TPD52: variants seen among roughly 807,000 people sequenced by gnomAD.
The protein encoded by TPD52 is prostate and colon associated protein.
A neutral mutation model predicts 31.3 loss-of-function variants in TPD52; 17 were observed. That is an observed-to-expected ratio of 0.54 (90% CI 0.37 to 0.82). TPD52 has a LOEUF of 0.82. TPD52 is among the 40% of genes least tolerant of loss of function. The pLI is 0.00. For synonymous variants in TPD52, 83 were observed against 89.6 expected, an observed-to-expected ratio of 0.93 and a Z score of 0.42; for missense variants, 212 against 240.1, an observed-to-expected ratio of 0.88 and a Z score of 0.77.
At chr8:80,090,348 T>C (rs1816162680) in intron 1 of TPD52, among the ~76,000 whole-genome samples, 1 of 152,126 alleles carries the variant, frequency 6.6e-6, no homozygotes, top group African/African-American at 2.4e-5. Flanking sequence ...TAGAGTGAGC[T>C]ACGATGGTGC....
chr8:80,140,641 C>T (rs1273349533), intron 1 of TPD52, among the ~76,000 whole-genome samples: 1 of 152,120 alleles, frequency 6.6e-6, no homozygotes, highest in East Asian at 1.9e-4. Context: ...GACTTGGATG[C>T]ACACCACACA....
At chr8:80,108,425 T>C (rs1427979511) in intron 1 of TPD52, among the ~76,000 whole-genome samples, 1 of 152,246 alleles carries the variant, frequency 6.6e-6, no homozygotes, top group Admixed American at 6.5e-5. Flanking sequence ...CAGATTTTTT[T>C]GTCAGTTGCA....
At chr8:80,101,115 G>A (rs1463668759) in intron 1 of TPD52, among the ~76,000 whole-genome samples, 1 of 152,172 alleles carries the variant, frequency 6.6e-6, no homozygotes, top group African/African-American at 2.4e-5. Context: ...AAGAAAAGAT[G>A]TATGGGAAGA....
chr8:80,033,508 G>A (rs1809746588), downstream of TPD52, among the ~76,000 whole-genome samples: 1 of 152,098 alleles, frequency 6.6e-6, no homozygotes, highest in East Asian at 1.9e-4. Context: ...CTGGCTCAGG[G>A]AATCCCAAGG....
At chr8:80,144,775 T>G (rs1341530349) in intron 1 of TPD52, among the ~76,000 whole-genome samples, 3 of 152,144 alleles carry the variant, frequency 2.0e-5, no homozygotes, top group African/African-American at 7.2e-5. Flanking sequence ...TGGCTTTTTG[T>G]GTGCATTTTT....
chr8:80,103,564 T>G (rs1806896423), intron 1 of TPD52, among the ~76,000 whole-genome samples: 1 of 152,214 alleles, frequency 6.6e-6, no homozygotes, highest in African/African-American at 2.4e-5. Context: ...CAATGGACAC[T>G]ACATGATAAT....
In TPD52 at chr8:80,036,462, T is replaced by C. The variant is rs571163502; in HGVS notation, c.*1654A>G. ...CCTTATTTAGAATATGTTAATATGATACCATTAAGCAATAATTTAAGGATG... is the reference window on the plus strand; with the variant it reads ...CCTTATTTAGAATATGTTAATATGACACCATTAAGCAATAATTTAAGGATG... On this transcript the variant is annotated 3_prime_UTR_variant, in exon 8 of 8. Coordinates refer to ENST00000518937, the MANE Select transcript of TPD52 (RefSeq NM_001025253.3). The C allele has an allele frequency of 6.5e-6, 1 of 152,704 alleles. No homozygotes were observed. Among genetic ancestry groups the C allele is most frequent in the South Asian group, 2.1e-4 (1 of 4,830 alleles). 9.5% of individuals were successfully genotyped at this position (152,704 alleles called of 1,614,324 possible).
chr8:80,094,761 T>G (rs1563621698), intron 1 of TPD52, among the ~76,000 whole-genome samples: 1 of 128,260 alleles, frequency 7.8e-6, no homozygotes. Context: ...CTACCATAAT[T>G]TAAAAAAAAA....
intron 1 of TPD52, among the ~76,000 whole-genome samples, chr8:80,103,438 C>T (rs1354008988): frequency 1.3e-5 from 2 of 152,222 alleles, no homozygotes; most frequent in Admixed American, 6.5e-5. Flanking sequence ...AGAGTGCTAG[C>T]CCCTTGTGGT....
intron 1 of TPD52, among the ~76,000 whole-genome samples, chr8:80,163,052 T>C (rs959836920): frequency 1.3e-5 from 2 of 152,182 alleles, no homozygotes; most frequent in East Asian, 1.9e-4. Context: ...AAAGCTATTA[T>C]GGAAAACAGT....
intron 1 of TPD52, among the ~76,000 whole-genome samples, chr8:80,102,047 C>G (rs1370599632): frequency 2.0e-5 from 3 of 152,226 alleles, no homozygotes; most frequent in Non-Finnish European, 4.4e-5. Flanking sequence ...AGGAGTACAA[C>G]TCGACTCACA....
At chr8:80,112,182 A>G (rs954862262) in intron 1 of TPD52, among the ~76,000 whole-genome samples, 2 of 152,256 alleles carry the variant, frequency 1.3e-5, no homozygotes, top group Non-Finnish European at 2.9e-5. Context: ...AAACAATTGT[A>G]GCTAACACTA....
intron 5 of TPD52, among the ~76,000 whole-genome samples, chr8:80,050,181 G>A (rs754703647): frequency 5.3e-5 from 8 of 152,028 alleles, no homozygotes; most frequent in Non-Finnish European, 1.0e-4. Flanking sequence ...TTTTACCAAA[G>A]AAAAAAGTAA....
intron 1 of TPD52, among the ~76,000 whole-genome samples, chr8:80,164,425 T>C (rs563461140): frequency 2.6e-5 from 4 of 152,306 alleles, no homozygotes; most frequent in South Asian, 4.2e-4. Flanking sequence ...GGGTGGCCAA[T>C]TGGAGGTGGA....
At chr8:80,081,939 G>T (rs1388244850) in intron 1 of TPD52, among the ~76,000 whole-genome samples, 1 of 152,094 alleles carries the variant, frequency 6.6e-6, no homozygotes, top group South Asian at 2.1e-4. Context: ...AAGTAGCTGG[G>T]ATTACAGGCA....
intron 1 of TPD52, among the ~76,000 whole-genome samples, chr8:80,155,247 T>C (rs986018302): frequency 3.9e-5 from 6 of 152,190 alleles, no homozygotes; most frequent in African/African-American, 1.2e-4. Flanking sequence ...TTGTGTGTGT[T>C]CTGACTGCTC....
intron 1 of TPD52, among the ~76,000 whole-genome samples, chr8:80,076,122 T>C (rs1423063404): frequency 6.6e-6 from 1 of 152,164 alleles, no homozygotes; most frequent in Non-Finnish European, 1.5e-5. Flanking sequence ...TTCCTGTACA[T>C]TAGAAAATTC....
At chr8:80,164,622 T>C (rs1381589390) in intron 1 of TPD52, among the ~76,000 whole-genome samples, 1 of 152,074 alleles carries the variant, frequency 6.6e-6, no homozygotes, top group African/African-American at 2.4e-5. Context: ...GGTGGCCCAC[T>C]CCTGTAATCC....
intron 1 of TPD52, among the ~76,000 whole-genome samples, chr8:80,162,018 C>T (rs1048032385): frequency 2.6e-5 from 4 of 152,062 alleles, no homozygotes; most frequent in East Asian, 3.9e-4. Flanking sequence ...TGTGAGCCAC[C>T]GCACCTGGCC....
Sources: allele counts gnomAD v4.1 joint callset (sites outside exome capture counted in the v4.1 genomes callset), GRCh38; gene constraint gnomAD v4.1.1; transcripts MANE v1.5; gene names NCBI Gene and HGNC (gene_info 2026-07-23, HGNC 2026-07-21).